GLS: variants seen among roughly 807,000 people sequenced by gnomAD.
GLS encodes the protein glutaminase kidney isoform, mitochondrial.
A neutral mutation model predicts 86.7 loss-of-function variants in GLS; 36 were observed. The observed-to-expected ratio is 0.42, with a 90% confidence interval of 0.32 to 0.55. The LOEUF (loss-of-function observed/expected upper bound fraction) is 0.55, where lower values mean the gene tolerates loss of function less well. GLS is among the 20% of genes least tolerant of loss of function. GLS has a pLI of 0.17. For synonymous variants in GLS, 317 were observed against 305.9 expected (o/e 1.04, Z -0.38); for missense variants, 528 against 833.4 (o/e 0.63, Z 4.51).
In GLS at chr2:190,935,164, A is replaced by G. The variant is rs1476054936; in HGVS notation, c.1650+3527A>G. 2 of 906,404 alleles carry G rather than the reference A, an allele frequency of 2.2e-6. No individual in the cohort carries two copies. Among genetic ancestry groups the G allele is most frequent in the African/African-American group, 3.6e-5 (2 of 55,746 alleles). 56.1% of individuals were successfully genotyped at this position (906,404 alleles called of 1,614,324 possible). ...TTTTAGCATAAATGTTGTGCATTTT[A>G]TCTTAGTGTTTGGATGAAAACATTT... On this transcript the variant is annotated intron_variant, in intron 14 of 17. Coordinates refer to ENST00000320717, the MANE Select transcript of GLS (RefSeq NM_014905.5). The surrounding 1 kb of genome is among the most constrained non-coding windows in gnomAD (Gnocchi z 4.2).
rs140250139 is a variant in GLS at position 190,953,730 on chromosome 2, G to C, written c.1712+104G>C. On this transcript the variant is annotated intron_variant, in intron 15 of 17. Transcript: ENST00000320717. This position sits in a 1 kb window ranked among gnomAD's most constrained non-coding sequence, Gnocchi z 4.0. Reference sequence around the variant, plus strand: ...TAAAGTCTCACTTTTCTTTCCCTTTGATAAAAATGACCCCAACAAAATTTT... The same window carrying C: ...TAAAGTCTCACTTTTCTTTCCCTTTCATAAAAATGACCCCAACAAAATTTT... The C allele has an allele frequency of 1.2e-4, 98 of 800,792 alleles. No homozygotes were observed. In the East Asian group the frequency reaches 2.4e-3, roughly 20 times the overall value. The allele number at this position is 800,792 out of a possible 1,614,324, so 49.6% of individuals were successfully genotyped here. A position where few individuals can be genotyped will look rare whatever the true frequency, so the allele number is the denominator to read the frequency against.
At chr2:190,919,201 T>TTTACATA (rs1438565340) in intron 7 of GLS, among the ~76,000 whole-genome samples, 2 of 152,160 alleles carry the variant, frequency 1.3e-5, no homozygotes, top group South Asian at 2.1e-4. Context: ...TTTTGCTCTA[T>TTTACATA]TTACATAATC....
intron 17 of GLS, among the ~76,000 whole-genome samples, chr2:190,958,645 CTTAT>C (rs1379717794): frequency 6.6e-6 from 1 of 152,104 alleles, no homozygotes; most frequent in Non-Finnish European, 1.5e-5. Flanking sequence ...TTTCAAAGAA[CTTAT>C]TTATTTCTGC....
At position 190,935,529 on chromosome 2, in the gene GLS, TTGGTTG is replaced by T. The variant is rs1403504125; in HGVS notation, c.1650+3894_1650+3899del. Among the ~76,000 whole-genome samples, 1 of 151,328 alleles carries T rather than the reference TTGGTTG, an allele frequency of 6.6e-6. No individual in the cohort carries two copies. Among genetic ancestry groups the T allele is most frequent in the African/African-American group, 2.4e-5 (1 of 41,396 alleles). ...TTTTTTGGGAGGAGGACTTTTCTTATTGGTTGTACTAGAAGTATTTGAATAAAAACT... is the reference window on the plus strand; with the variant it reads ...TTTTTTGGGAGGAGGACTTTTCTTATTACTAGAAGTATTTGAATAAAAACT... On this transcript the variant is annotated intron_variant, in intron 14 of 17. Transcript: ENST00000320717. This position sits in a 1 kb window ranked among gnomAD's most constrained non-coding sequence, Gnocchi z 4.2.
rs3036653 is a variant in GLS at position 190,942,067 on chromosome 2, C to CTTTTTTTTTTTTTTTTT, written c.1650+10444_1650+10460dup. ...AGAGTTTAGTGTGAAACTTTGAAGA[C>CTTTTTTTTTTTTTTTTT]TTTTTTTTTTTTTTTTTTTTTTTTT... On this transcript the variant is annotated intron_variant, in intron 14 of 17. Coordinates refer to ENST00000320717, the MANE Select transcript of GLS (RefSeq NM_014905.5). Among the ~76,000 whole-genome samples the CTTTTTTTTTTTTTTTTT allele has an allele frequency of 1.8e-3, 68 of 38,054 alleles. 26 individuals are homozygous for CTTTTTTTTTTTTTTTTT. The highest frequency in any genetic ancestry group is 3.3e-3 in the Non-Finnish European group (56 of 17,202). 25.0% of individuals were successfully genotyped at this position (38,054 alleles called of 152,430 possible).
intron 6 of GLS, among the ~76,000 whole-genome samples, chr2:190,907,311 G>A (rs528945086): frequency 3.3e-5 from 5 of 149,442 alleles, no homozygotes; most frequent in South Asian, 2.1e-4. Flanking sequence ...GCGCAATCTC[G>A]GCTCGGCGCA....
intron 1 of GLS, among the ~76,000 whole-genome samples, chr2:190,887,836 A>C (rs1229519486): frequency 6.6e-6 from 1 of 152,170 alleles, no homozygotes; most frequent in Non-Finnish European, 1.5e-5. Flanking sequence ...CATTCATATG[A>C]GGGTCTCTTA....
Position 190,933,684 on chromosome 2 carries a change from C to T in GLS, c.1650+2047C>T, listed in dbSNP as rs897291229. 5.2e-6 allele frequency: 5 copies of T among 954,076 alleles called. No individual in the cohort carries two copies. In the African/African-American group the frequency reaches 5.3e-5, roughly 10 times the overall value. The allele number at this position is 954,076 out of a possible 1,614,324, so 59.1% of individuals were successfully genotyped here. A position where few individuals can be genotyped will look rare whatever the true frequency, so the allele number is the denominator to read the frequency against. ...TTGTTCACCTAAACAATTTTATTTT[C>T]ATATTATCCACATAACTTTTTCTAT... On this transcript the variant is annotated intron_variant, in intron 14 of 17. Transcript: ENST00000320717.
intron 1 of GLS, among the ~76,000 whole-genome samples, chr2:190,888,873 C>T (rs1165603202): frequency 6.6e-6 from 1 of 152,104 alleles, no homozygotes; most frequent in African/African-American, 2.4e-5. Context: ...TTCTGCTTAG[C>T]TTTTTCAAAA....
chr2:190,933,204 T>C, intron 14 of GLS: 1 of 869,458 alleles, frequency 1.2e-6, no homozygotes, highest in Non-Finnish European at 1.4e-6. Flanking sequence ...TTCTTAGTTC[T>C]AAAATTCACA....
intron 1 of GLS, among the ~76,000 whole-genome samples, chr2:190,889,564 A>C (rs1688498046): frequency 6.6e-6 from 1 of 152,248 alleles, no homozygotes; most frequent in Admixed American, 6.5e-5. Context: ...GAATTCATAT[A>C]GTATCTGTAT....
intron 14 of GLS, among the ~76,000 whole-genome samples, chr2:190,941,086 A>G (rs976545337): frequency 2.6e-5 from 4 of 152,166 alleles, no homozygotes; most frequent in African/African-American, 4.8e-5. Flanking sequence ...TTCTTATTCA[A>G]CTAATGTTTA....
At chr2:190,933,903 A>C (rs1690188651) in intron 14 of GLS, 1 of 915,694 alleles carries the variant, frequency 1.1e-6, no homozygotes, top group Non-Finnish European at 1.3e-6. Flanking sequence ...AATACGTTAG[A>C]TCTAAATCCT....
At chr2:190,882,378 A>G (rs1688233026) in intron 1 of GLS, among the ~76,000 whole-genome samples, 1 of 152,216 alleles carries the variant, frequency 6.6e-6, no homozygotes, top group Admixed American at 6.5e-5. Context: ...ACAATATGCA[A>G]AGCAGTCTCC....
At position 190,949,935 on chromosome 2, in the gene GLS, A is replaced by G. The variant is rs868590835; in HGVS notation, c.1651-3630A>G. On this transcript the variant is annotated intron_variant, in intron 14 of 17. Coordinates refer to ENST00000320717, the MANE Select transcript of GLS (RefSeq NM_014905.5). This position sits in a 1 kb window ranked among gnomAD's most constrained non-coding sequence, Gnocchi z 4.0. ...AAAACAAGTATATATAAAAATATAT[A>G]TACTTTATATATAGTTATATATAAC... is the stretch of plus-strand genomic sequence containing the variant. Among the ~76,000 whole-genome samples the G allele has an allele frequency of 4.7e-5, 7 of 150,178 alleles. No individual in the cohort carries two copies. Among genetic ancestry groups the G allele is most frequent in the Middle Eastern group, 3.6e-3 (1 of 280 alleles).
At chr2:190,898,489 A>G (rs1368283247) in intron 3 of GLS, among the ~76,000 whole-genome samples, 1 of 152,192 alleles carries the variant, frequency 6.6e-6, no homozygotes, top group African/African-American at 2.4e-5. Flanking sequence ...ATCGGTATGC[A>G]GTTAGATACT....
chr2:190,928,957 T>C (rs1231075121), intron 12 of GLS, among the ~76,000 whole-genome samples: 1 of 148,056 alleles, frequency 6.8e-6, no homozygotes, highest in African/African-American at 2.5e-5. Flanking sequence ...AAGTACTTTA[T>C]TGGTATACTT....
At position 190,963,063 on chromosome 2, in the gene GLS, A is replaced by C. The variant is rs745774752; in HGVS notation, c.*77A>C. On this transcript the variant is annotated 3_prime_UTR_variant, in exon 18 of 18. Transcript: ENST00000320717. The stretch of plus-strand genomic sequence containing the variant: ...GATTATGAAGAACATGTGTATTTCT[A>C]TCTGGTAGTGATGTATATTTTACAT... 2.9e-6 allele frequency: 3 copies of C among 1,024,208 alleles called. No individual in the cohort carries two copies. The South Asian group carries it at 5.0e-5, about 17-fold the overall frequency. 63.4% of individuals were successfully genotyped at this position (1,024,208 alleles called of 1,614,324 possible).
rs1553490110 is a variant in GLS at position 190,963,900 on chromosome 2, G to GAAGT, written c.*915_*918dup. 6.6e-6 allele frequency: 1 copy of GAAGT among 151,474 alleles called. No individual in the cohort carries two copies. The highest frequency in any genetic ancestry group is 2.4e-5 in the African/African-American group (1 of 41,098). 9.4% of individuals were successfully genotyped at this position (151,474 alleles called of 1,614,324 possible). On this transcript the variant is annotated 3_prime_UTR_variant, in exon 18 of 18. Transcript: ENST00000320717. ...GGGATGTGCAACTGCAGCTCTTTAA[G>GAAGT]AAGTTTTTTTTTTTTAGCTTCTAGG...
Sources: gnomAD v4.1 joint callset for allele counts (sites outside exome capture counted in the v4.1 genomes callset) on GRCh38, gnomAD v4.1.1 for gene constraint, Gnocchi (gnomAD v3.1) non-coding constraint, MANE v1.5 for transcripts, NCBI Gene and HGNC (gene_info 2026-07-23, HGNC 2026-07-21) for gene names.